The following TDO2 variants were observed in gnomAD, a reference collection of about 807,000 sequenced individuals.
The protein encoded by TDO2 is tryptophan 2,3-dioxygenase.
TDO2 carries 63 observed loss-of-function variants against 61.2 expected under a neutral mutation model. That is an observed-to-expected ratio of 1.03 (90% CI 0.84 to 1.27). The LOEUF (loss-of-function observed/expected upper bound fraction) is 1.27. TDO2 is among the 50% of genes most tolerant of loss of function. TDO2 has a pLI of 0.00. For synonymous variants in TDO2, 183 were observed against 164.0 expected (o/e 1.12, Z -0.89); for missense variants, 494 against 469.5 (o/e 1.05, Z -0.48).
In TDO2 at chr4:155,917,409, T is replaced by A. The variant is rs937869957; in HGVS notation, c.911T>A (p.Phe304Tyr). Reference protein sequence around the residue: ...MIYFYREEPRFQVPFQLLTSL... With the variant: ...MIYFYREEPRYQVPFQLLTSL... ...TTTTCCTTTAGGGAAGAGCCTAGGTTCCAGGTGCCTTTTCAGTTGCTGACT... is the reference window on the plus strand; with the variant it reads ...TTTTCCTTTAGGGAAGAGCCTAGGTACCAGGTGCCTTTTCAGTTGCTGACT... The change falls in exon 10 of 12, where the codon TTC becomes TAC. Residue 304 changes from phenylalanine (F) to tyrosine (Y), a missense_variant. By Grantham distance (22) the Phe-to-Tyr change is conservative. Transcript: ENST00000536354. 6.2e-7 allele frequency: 1 copy of A among 1,611,000 alleles called. No individual in the cohort carries two copies. The highest frequency in any genetic ancestry group is 1.3e-5 in the African/African-American group (1 of 74,844).
intron 8 of TDO2, 27 bp downstream of exon 8, chr4:155,914,461 T>C: frequency 6.1e-6 from 9 of 1,480,046 alleles, no homozygotes; most frequent in Non-Finnish European, 4.6e-6. Context: ...TATGAATCTT[T>C]TCCCTGGAAT....
intron 10 of TDO2, among the ~76,000 whole-genome samples, 194 bp from the exon 11 acceptor site, chr4:155,917,955 T>A (rs1357821834): frequency 6.6e-6 from 1 of 152,184 alleles, no homozygotes; most frequent in African/African-American, 2.4e-5. Context: ...GAAATGCATG[T>A]AGCCTGAAGC....
intron 9 of TDO2, among the ~76,000 whole-genome samples, chr4:155,916,286 G>C (rs1038224169): frequency 3.3e-4 from 47 of 144,208 alleles, no homozygotes; most frequent in African/African-American, 1.0e-3. Flanking sequence ...TCCTGCCTCA[G>C]CCTCCCGAGT....
At position 155,911,497 on chromosome 4, in the gene TDO2, G is replaced by A. The variant is rs774246293; in HGVS notation, c.619G>A (p.Ala207Thr). The A allele has an allele frequency of 8.3e-6, 13 of 1,562,098 alleles. No individual in the cohort carries two copies. In the South Asian group the frequency reaches 1.3e-4, roughly 16 times the overall value. ...QEKTLLELVE[A>T]WLERTPGLEP... ...ACTTAAAAAATAATGTTTATTTAAG[G>A]CATGGCTGGAAAGAACTCCAGGTTT... Residue 207 changes from alanine (A) to threonine (T), a missense_variant and splice_region_variant, in exon 7 of 12, where the codon GCA becomes ACA. Ala to Thr is a moderately conservative substitution (Grantham distance 58, BLOSUM62 0). Coordinates refer to ENST00000536354, the MANE Select transcript of TDO2 (RefSeq NM_005651.4).
At chr4:155,909,079 G>C in intron 5 of TDO2, 65 bp downstream of exon 5, 1 of 1,482,970 alleles carries the variant, frequency 6.7e-7, no homozygotes, top group African/African-American at 1.4e-5. Flanking sequence ...TGGGGTAAAA[G>C]CAGCATGTGT....
intron 8 of TDO2, 76 bp from the exon 9 acceptor site, chr4:155,915,779 T>C (rs192907783): frequency 7.8e-7 from 1 of 1,280,292 alleles, no homozygotes; most frequent in Non-Finnish European, 1.1e-6. Flanking sequence ...TTAAATTTTT[T>C]AAGATGACGA....
Position 155,920,145 on chromosome 4 carries a change from T to TCACAAACAAGAGG in TDO2, c.*155_*156insCACAAACAAGAGG. The TCACAAACAAGAGG allele has an allele frequency of 1.5e-6, 1 of 675,380 alleles. No individual in the cohort carries two copies. Among genetic ancestry groups the TCACAAACAAGAGG allele is most frequent in the Non-Finnish European group, 2.5e-6 (1 of 404,170 alleles). 41.8% of individuals were successfully genotyped at this position (675,380 alleles called of 1,614,324 possible). Reference sequence around the variant, plus strand: ...CTAGAAACAATTTGATTACCTCTTGTTTGTGACAAGACTAAGCATTAAGAT... The same window carrying TCACAAACAAGAGG: ...CTAGAAACAATTTGATTACCTCTTGTCACAAACAAGAGGTTGTGACAAGACTAAGCATTAAGAT... On this transcript the variant is annotated 3_prime_UTR_variant, in exon 12 of 12. Transcript: ENST00000536354.
chr4:155,915,585 G>C (rs1385556450), intron 8 of TDO2, among the ~76,000 whole-genome samples: 1 of 152,032 alleles, frequency 6.6e-6, no homozygotes, highest in Non-Finnish European at 1.5e-5. Flanking sequence ...GTGTTTTCTA[G>C]AAAAATCAGG....
intron 1 of TDO2, 26 bp downstream of exon 1, chr4:155,903,819 G>A (rs758694311): frequency 1.2e-5 from 19 of 1,613,762 alleles, no homozygotes; most frequent in Admixed American, 1.0e-4. Flanking sequence ...TATTCTAAGT[G>A]GGTTTTGGCT....
At chr4:155,910,982 G>A (rs1175342530) in intron 6 of TDO2, among the ~76,000 whole-genome samples, 1 of 151,990 alleles carries the variant, frequency 6.6e-6, no homozygotes, top group East Asian at 1.9e-4. Context: ...TTTATTTCTA[G>A]ATTTAAAAAC....
intron 11 of TDO2, 123 bp from the exon 12 acceptor site, chr4:155,919,714 G>A (rs530721770): frequency 2.9e-4 from 224 of 762,702 alleles, no homozygotes; most frequent in Non-Finnish European, 4.3e-4. Context: ...TATACAACAT[G>A]CAATATATAT....
At chr4:155,908,849 A>T in intron 4 of TDO2, 38 bp from the exon 5 acceptor site, 1 of 1,581,696 alleles carries the variant, frequency 6.3e-7, no homozygotes, top group East Asian at 2.3e-5. Context: ...TCTAGAGGTC[A>T]GCATTGCTAA....
chr4:155,904,019 T>C lies in TDO2; in HGVS notation c.37T>C (p.Tyr13His). The change falls in exon 2 of 12, where the codon TAT (tyrosine) becomes CAT (histidine). Residue 13 changes from tyrosine (Y) to histidine (H), a missense_variant and splice_region_variant. Tyr to His is a moderately conservative substitution (Grantham distance 83). Transcript: ENST00000536354. ...GCPFLGNNFG[Y>H]TFKKLPVEGS... ...CCTCTTGATTTATTAAATTTGCAGA[T>C]ATACTTTTAAAAAACTCCCCGTAGA... is the stretch of plus-strand genomic sequence containing the variant. 6.2e-7 allele frequency: 1 copy of C among 1,613,370 alleles called. No homozygotes were observed. The highest frequency in any genetic ancestry group is 8.5e-7 in the Non-Finnish European group (1 of 1,179,466).
intron 3 of TDO2, chr4:155,905,606 C>T (rs1742704752): frequency 6.6e-6 from 1 of 152,366 alleles, no homozygotes; most frequent in South Asian, 2.1e-4. Context: ...ATAATGATTT[C>T]TGGGCAGTGG....
intron 2 of TDO2, among the ~76,000 whole-genome samples, chr4:155,904,691 TG>T (rs1742686370): frequency 6.6e-6 from 1 of 152,174 alleles, no homozygotes; most frequent in Admixed American, 6.5e-5. Context: ...AAGGATTAAC[TG>T]ATAAAGAATG....
At chr4:155,919,069 T>G (rs948325505) in intron 11 of TDO2, among the ~76,000 whole-genome samples, 1 of 152,168 alleles carries the variant, frequency 6.6e-6, no homozygotes, top group African/African-American at 2.4e-5. Context: ...CTATACCAAA[T>G]GAGCACACAC....
intron 10 of TDO2, 82 bp from the exon 11 acceptor site, chr4:155,918,064 TATC>T (rs1480509368): frequency 7.6e-7 from 1 of 1,322,446 alleles, no homozygotes; most frequent in Non-Finnish European, 1.1e-6. Context: ...CAGAAGCAAT[TATC>T]ATTACCAACC....
chr4:155,919,084 G>A (rs1381744535), intron 11 of TDO2, among the ~76,000 whole-genome samples: 1 of 152,184 alleles, frequency 6.6e-6, no homozygotes, highest in Non-Finnish European at 1.5e-5. Context: ...ACACACATCA[G>A]TGGGTGGTGG....
rs907753047 is a variant in TDO2, at chr4:155,920,187, A to C, written c.*197A>C. 5 of 567,584 alleles carry C rather than the reference A, an allele frequency of 8.8e-6. No individual in the cohort carries two copies. Among genetic ancestry groups the C allele is most frequent in the East Asian group, 6.2e-5 (2 of 32,514 alleles). The allele number at this position is 567,584 out of a possible 1,614,324, so 35.2% of individuals were successfully genotyped here. A position where few individuals can be genotyped will look rare whatever the true frequency, so the allele number is the denominator to read the frequency against. ...CATTAAGATGAGAAAGAATACATTT[A>C]AATAGTAACATTGTACATAGGGTGT... On this transcript the variant is annotated 3_prime_UTR_variant, in exon 12 of 12. Transcript: ENST00000536354.
Sources: allele counts gnomAD v4.1 joint callset (sites outside exome capture counted in the v4.1 genomes callset), GRCh38; gene constraint gnomAD v4.1.1; transcripts MANE v1.5; gene names NCBI Gene and HGNC (gene_info 2026-07-23, HGNC 2026-07-21).